The following RIMS2 variants were observed in gnomAD, a reference collection of about 807,000 sequenced individuals.
The protein encoded by RIMS2 is regulating synaptic membrane exocytosis 2, also known as regulating synaptic membrane exocytosis protein 2.
In RIMS2, 59 loss-of-function variants were observed where a neutral mutation model predicts 174.4. The observed-to-expected ratio is 0.34, with a 90% CI of 0.27 to 0.42. The LOEUF (loss-of-function observed/expected upper bound fraction) is 0.42, where lower values mean the gene tolerates loss of function less well. Among genes scored for constraint, RIMS2 ranks in the 10% least tolerant of loss-of-function variants. The pLI is 1.00. For synonymous variants in RIMS2, 606 were observed against 572.5 expected (o/e 1.06, Z -0.84); for missense variants, 1,620 against 1,666.3 (o/e 0.97, Z 0.48).
rs1356342443 is a variant in RIMS2 at position 104,154,790 on chromosome 8, A to G, written c.3335-90126A>G. On this transcript the variant is annotated intron_variant, in intron 19 of 23. Transcript: ENST00000504942. ...AGTAACTGTTGTTATAACATTTAGC[A>G]ACTGTAATCATTTACTCATCTATCT... Among the ~76,000 whole-genome samples, 5 of 152,312 alleles carry G rather than the reference A, an allele frequency of 3.3e-5. No individual in the cohort carries two copies. In the East Asian group the frequency reaches 7.7e-4, roughly 24 times the overall value.
chr8:103,665,646 C>A (rs2096659086), intron 1 of RIMS2, among the ~76,000 whole-genome samples: 1 of 152,140 alleles, frequency 6.6e-6, no homozygotes, highest in Non-Finnish European at 1.5e-5. Flanking sequence ...GGAAATAATT[C>A]TTAGTATTCT....
At chr8:104,064,266 A>G (rs2097061735) in intron 19 of RIMS2, among the ~76,000 whole-genome samples, 1 of 152,232 alleles carries the variant, frequency 6.6e-6, no homozygotes, top group Non-Finnish European at 1.5e-5. Context: ...AATATGTGAT[A>G]TGATTTAAGG....
chr8:104,117,490 G>T (rs2098297231), intron 19 of RIMS2, among the ~76,000 whole-genome samples: 1 of 151,690 alleles, frequency 6.6e-6, no homozygotes, highest in South Asian at 2.1e-4. Flanking sequence ...CTGTGCTTGT[G>T]CCACCATGCC....
At chr8:103,820,851 G>C (rs1262703125) in intron 3 of RIMS2, among the ~76,000 whole-genome samples, 1 of 151,186 alleles carries the variant, frequency 6.6e-6, no homozygotes, top group Non-Finnish European at 1.5e-5. Context: ...TTAAGATGCT[G>C]TTTTCCTTTT....
intron 2 of RIMS2, among the ~76,000 whole-genome samples, chr8:103,764,984 A>G (rs887243032): frequency 2.0e-5 from 3 of 152,198 alleles, no homozygotes; most frequent in Admixed American, 1.3e-4. Flanking sequence ...TGTACAAACT[A>G]TGAAATGGAA....
intron 15 of RIMS2, among the ~76,000 whole-genome samples, chr8:103,969,635 A>G (rs1330652138): frequency 2.0e-5 from 3 of 152,200 alleles, no homozygotes; most frequent in Non-Finnish European, 4.4e-5. Context: ...TTTGTATATT[A>G]ATCATAGTGG....
chr8:104,191,329 A>C (rs531130365), intron 19 of RIMS2, among the ~76,000 whole-genome samples: 15 of 152,260 alleles, frequency 9.9e-5, no homozygotes, highest in Admixed American at 9.2e-4. Context: ...CATGTTTATG[A>C]ATCAGCATAC....
chr8:104,183,701 C>G (rs2098952781), intron 19 of RIMS2, among the ~76,000 whole-genome samples: 1 of 151,514 alleles, frequency 6.6e-6, no homozygotes, highest in South Asian at 2.1e-4. Flanking sequence ...TTCTGAACAG[C>G]TCATCAGAGT....
intron 1 of RIMS2, among the ~76,000 whole-genome samples, chr8:103,553,473 G>A (rs1848998161): frequency 6.6e-6 from 1 of 152,088 alleles, no homozygotes; most frequent in Non-Finnish European, 1.5e-5. Context: ...GGGAGGGATA[G>A]CATTAGGAGA....
At chr8:104,096,352 T>A (rs533032087) in intron 19 of RIMS2, among the ~76,000 whole-genome samples, 1 of 152,334 alleles carries the variant, frequency 6.6e-6, no homozygotes, top group Admixed American at 6.5e-5. Context: ...TTCTGGTTTT[T>A]AAATAGTACT....
chr8:103,894,122 G>T (rs768415236), intron 4 of RIMS2, among the ~76,000 whole-genome samples: 27 of 152,080 alleles, frequency 1.8e-4, no homozygotes, highest in South Asian at 4.2e-4. Context: ...TTTTCTTAAT[G>T]AACTTAACCC....
At chr8:104,209,106 G>T (rs1416998884) in intron 19 of RIMS2, among the ~76,000 whole-genome samples, 5 of 152,150 alleles carry the variant, frequency 3.3e-5, no homozygotes, top group Non-Finnish European at 7.3e-5. Context: ...GAACAACAAA[G>T]AACTGATGGA....
At chr8:103,536,895 T>A (rs1840038161) in intron 1 of RIMS2, among the ~76,000 whole-genome samples, 1 of 152,168 alleles carries the variant, frequency 6.6e-6, no homozygotes, top group African/African-American at 2.4e-5. Flanking sequence ...ATTGTAAATT[T>A]AAAAATGACA....
intron 19 of RIMS2, among the ~76,000 whole-genome samples, chr8:104,234,018 T>C (rs1378239371): frequency 6.6e-6 from 1 of 152,222 alleles, no homozygotes; most frequent in Non-Finnish European, 1.5e-5. Flanking sequence ...TATTTATGCA[T>C]AGTTTTTTTT....
At chr8:103,515,540 C>T (rs576431782) in intron 1 of RIMS2, among the ~76,000 whole-genome samples, 1 of 152,232 alleles carries the variant, frequency 6.6e-6, no homozygotes, top group South Asian at 2.1e-4. Context: ...GAACAATATT[C>T]TGATCTCGTT....
rs1371629095 is a variant in RIMS2 at position 103,939,431 on chromosome 8, A to G, written c.2547+2709A>G. On this transcript the variant is annotated intron_variant, in intron 13 of 23. Transcript: ENST00000504942. ...CTGGGATGCACATCACCAAGTCCCT[A>G]TACTTGGTGTCACAGCACAGGGACC... is the stretch of plus-strand genomic sequence containing the variant. 5.9e-5 allele frequency among the ~76,000 whole-genome samples: 9 copies of G among 152,176 alleles called. 1 individual carries two copies. The East Asian group carries it at 1.7e-3, about 30-fold the overall frequency.
chr8:103,862,494 T>A (rs961649597), intron 3 of RIMS2, among the ~76,000 whole-genome samples: 7 of 152,054 alleles, frequency 4.6e-5, no homozygotes, highest in African/African-American at 7.2e-5. Flanking sequence ...ATTTTTTTTT[T>A]AATTTTGTGA....
At chr8:104,244,895 T>G (rs371639446) in intron 19 of RIMS2, 21 bp from the exon 26 acceptor site, 2 of 1,607,004 alleles carry the variant, frequency 1.2e-6, no homozygotes, top group African/African-American at 2.7e-5. Flanking sequence ...GCTGTTACAC[T>G]TTTTGTTTCT....
chr8:104,208,492 C>G (rs184702274), intron 19 of RIMS2, among the ~76,000 whole-genome samples: 1 of 151,430 alleles, frequency 6.6e-6, no homozygotes. Context: ...CGCTTCAACC[C>G]GGGAGGCGGA....
Sources: allele counts gnomAD v4.1 joint callset (sites outside exome capture counted in the v4.1 genomes callset), GRCh38; gene constraint gnomAD v4.1.1; transcripts MANE v1.5; gene names NCBI Gene and HGNC (gene_info 2026-07-23, HGNC 2026-07-21).